SPECC1: variants seen among roughly 807,000 people sequenced by gnomAD.
SPECC1 encodes cytospin-B.
In SPECC1, 62 loss-of-function variants were observed where a neutral mutation model predicts 104.1. That is an observed-to-expected ratio of 0.60 (90% CI 0.49 to 0.74). The LOEUF (loss-of-function observed/expected upper bound fraction) is 0.74, where lower values mean the gene tolerates loss of function less well. Among genes scored for constraint, SPECC1 ranks in the 30% least tolerant of loss-of-function variants. SPECC1 has a pLI of 0.00. For missense variants in SPECC1, 1,306 were observed against 1,310.5 expected (o/e 1.00, Z 0.05); for synonymous variants, 513 against 501.6 (o/e 1.02, Z -0.30).
chr17:20,087,358 G>A (rs868566371), intron 1 of SPECC1, among the ~76,000 whole-genome samples: 1 of 152,316 alleles, frequency 6.6e-6, no homozygotes, highest in African/African-American at 2.4e-5. Context: ...ATGTTTTCAA[G>A]GTAGTAGTGC....
chr17:20,229,731 G>T (rs1243577217), intron 5 of SPECC1, among the ~76,000 whole-genome samples: 1 of 152,206 alleles, frequency 6.6e-6, no homozygotes, highest in Non-Finnish European at 1.5e-5. Context: ...ATCAGAGAAA[G>T]GGAGAAGTTT....
In SPECC1 at chr17:20,314,071, G is replaced by C; in HGVS notation, c.*6G>C. The C allele has an allele frequency of 6.2e-7, 1 of 1,613,378 alleles. No homozygotes were observed. Among genetic ancestry groups the C allele is most frequent in the South Asian group, 1.1e-5 (1 of 90,926 alleles). ...ACAAGTACTTTGAGACGTAACCCTG[G>C]AGGGCCTGGGGCAGCCACCATTGCC... On this transcript the variant is annotated 3_prime_UTR_variant, in exon 15 of 15. Coordinates refer to ENST00000395527, the MANE Select transcript of SPECC1 (RefSeq NM_001243439.2).
chr17:20,197,721 A>G (rs1273190211), intron 3 of SPECC1, among the ~76,000 whole-genome samples: 2 of 152,172 alleles, frequency 1.3e-5, no homozygotes, highest in East Asian at 3.8e-4. Context: ...TGTTTGTTTC[A>G]GGGATCTGTA....
chr17:20,032,009 A>G (rs2044835311), intron 1 of SPECC1, among the ~76,000 whole-genome samples: 1 of 152,308 alleles, frequency 6.6e-6, no homozygotes, highest in African/African-American at 2.4e-5. Context: ...TTTTGGATGT[A>G]TATTTTTGAA....
intron 7 of SPECC1, among the ~76,000 whole-genome samples, chr17:20,234,747 G>C (rs1225093642): frequency 1.3e-5 from 2 of 152,206 alleles, no homozygotes; most frequent in African/African-American, 4.8e-5. Context: ...CTTAAGCTCT[G>C]TTTGCGTCCG....
intron 7 of SPECC1, 185 bp downstream of exon 7, chr17:20,232,590 G>A: frequency 1.5e-6 from 1 of 686,792 alleles, no homozygotes; most frequent in Non-Finnish European, 2.4e-6. Context: ...CTGCCATGCT[G>A]CAGCATAAGA....
chr17:20,167,587 A>T lies in SPECC1; in HGVS notation c.284-36746A>T, dbSNP rs2033763167. ...CAATTACTCGGGAGGCTGAGGCAGG[A>T]GAATCACTTGAACCCAGGAGGTGGA... On this transcript the variant is annotated intron_variant, in intron 3 of 14. Coordinates refer to ENST00000395527, the MANE Select transcript of SPECC1 (RefSeq NM_001243439.2). Among the ~76,000 whole-genome samples, 5 of 152,222 alleles carry T rather than the reference A, an allele frequency of 3.3e-5. No individual in the cohort carries two copies. In the South Asian group the frequency reaches 1.0e-3, roughly 31 times the overall value.
At chr17:20,217,413 C>T (rs549777358) in intron 4 of SPECC1, among the ~76,000 whole-genome samples, 1 of 152,170 alleles carries the variant, frequency 6.6e-6, no homozygotes, top group East Asian at 1.9e-4. Flanking sequence ...TCCCCCATGC[C>T]GAGTTACCTA....
intron 3 of SPECC1, among the ~76,000 whole-genome samples, chr17:20,167,049 CA>C (rs1329210882): frequency 6.6e-6 from 1 of 151,066 alleles, no homozygotes; most frequent in East Asian, 1.9e-4. Context: ...CTTTGTTAAA[CA>C]AATGAAGTAA....
chr17:20,152,400 G>A (rs548904968), intron 3 of SPECC1, among the ~76,000 whole-genome samples: 2 of 152,310 alleles, frequency 1.3e-5, no homozygotes, highest in East Asian at 1.9e-4. Context: ...CAGACCAAAG[G>A]GGGGTGATAA....
intron 3 of SPECC1, among the ~76,000 whole-genome samples, chr17:20,137,523 A>C (rs1481295735): frequency 6.6e-6 from 1 of 152,218 alleles, no homozygotes; most frequent in Non-Finnish European, 1.5e-5. Flanking sequence ...AGAATATCCT[A>C]CTTAGGAATT....
At chr17:20,273,517 AC>A (rs2040478374) in intron 12 of SPECC1, among the ~76,000 whole-genome samples, 1 of 150,896 alleles carries the variant, frequency 6.6e-6, no homozygotes, top group African/African-American at 2.4e-5. Context: ...CTCAGCCCTC[AC>A]CATGTAAATT....
At chr17:20,062,530 T>G (rs1340015608) in intron 1 of SPECC1, among the ~76,000 whole-genome samples, 1 of 151,820 alleles carries the variant, frequency 6.6e-6, no homozygotes, top group Non-Finnish European at 1.5e-5. Flanking sequence ...GCCTGGCTAA[T>G]TTTTAAAAAC....
intron 12 of SPECC1, among the ~76,000 whole-genome samples, chr17:20,284,492 G>T (rs895832994): frequency 2.0e-5 from 3 of 152,246 alleles, no homozygotes; most frequent in African/African-American, 7.2e-5. Flanking sequence ...AAAACTGGAT[G>T]TGTGTGTACA....
At chr17:20,158,515 C>T (rs1196694368) in intron 3 of SPECC1, among the ~76,000 whole-genome samples, 7 of 152,156 alleles carry the variant, frequency 4.6e-5, no homozygotes, top group Admixed American at 4.6e-4. Flanking sequence ...ATGATGCAGA[C>T]CTGAAGTCTT....
Position 20,314,377 on chromosome 17 carries a change from G to C in SPECC1, c.*312G>C. Reference sequence around the variant, plus strand: ...AGGCTTGTTTTGCTGATTATATTGGGTGGCTGAACGAACACATTATCTGCA... The same window carrying C: ...AGGCTTGTTTTGCTGATTATATTGGCTGGCTGAACGAACACATTATCTGCA... On this transcript the variant is annotated 3_prime_UTR_variant, in exon 15 of 15. Transcript: ENST00000395527. 2.8e-6 allele frequency: 1 copy of C among 360,776 alleles called. No individual in the cohort carries two copies. The highest frequency in any genetic ancestry group is 3.9e-5 in the East Asian group (1 of 25,368). 22.3% of individuals were successfully genotyped at this position (360,776 alleles called of 1,614,324 possible). A position where few individuals can be genotyped will look rare whatever the true frequency, so the allele number is the denominator to read the frequency against.
At chr17:20,215,647 T>C (rs575395792) in intron 4 of SPECC1, among the ~76,000 whole-genome samples, 1 of 152,376 alleles carries the variant, frequency 6.6e-6, no homozygotes, top group South Asian at 2.1e-4. Flanking sequence ...GGCATAATTC[T>C]TCAAGATACT....
At chr17:20,293,220 A>G (rs1259461896) in intron 12 of SPECC1, among the ~76,000 whole-genome samples, 1 of 150,816 alleles carries the variant, frequency 6.6e-6, no homozygotes, top group East Asian at 1.9e-4. Flanking sequence ...TTTTTTGCCT[A>G]AGATTATTTG....
At chr17:20,203,219 A>G (rs1051561323) in intron 3 of SPECC1, among the ~76,000 whole-genome samples, 3 of 151,338 alleles carry the variant, frequency 2.0e-5, no homozygotes, top group Non-Finnish European at 1.5e-5. Context: ...CACTGAAAGC[A>G]TGTAGAGTTG....
Sources: allele counts gnomAD v4.1 joint callset (sites outside exome capture counted in the v4.1 genomes callset), GRCh38; gene constraint gnomAD v4.1.1; transcripts MANE v1.5; gene names NCBI Gene and HGNC (gene_info 2026-07-23, HGNC 2026-07-21).